TRPM1: variants seen among roughly 807,000 people sequenced by gnomAD.
The protein encoded by TRPM1 is TRPM1-203 APA Isoform, Intron 10.
A neutral mutation model predicts 149.4 loss-of-function variants in TRPM1; 113 were observed. That is an observed-to-expected ratio of 0.76 (90% CI 0.65 to 0.88). The LOEUF (loss-of-function observed/expected upper bound fraction) is 0.88. Ranked by LOEUF, TRPM1 falls within the 40% of genes least tolerant of loss-of-function variation. The probability of loss-of-function intolerance (pLI) is 0.00; values close to 1 mark genes in which losing one functional copy is unlikely to be tolerated. For synonymous variants in TRPM1, 741 were observed against 759.5 expected, an observed-to-expected ratio of 0.98 and a Z score of 0.40; for missense variants, 1,976 against 2,038.7, an observed-to-expected ratio of 0.97 and a Z score of 0.59.
At position 31,002,304 on chromosome 15, in the gene TRPM1, G is replaced by A. The variant is rs763354839; in HGVS notation, c.4396C>T (p.Arg1466Trp). The A allele has an allele frequency of 4.4e-5, 71 of 1,614,024 alleles. 1 individual carries two copies. The highest frequency in any genetic ancestry group is 3.3e-4 in the Middle Eastern group (2 of 6,084). ...ACCCCACCGACCAGCTTTCTTCCCC[G>A]GGAATAGACGAAGCTTCTGGACTTC... ...TMKSRSFVYSRGRKLVGGVNQ... is the reference protein window; with the variant it reads ...TMKSRSFVYSWGRKLVGGVNQ... Residue 1466 changes from arginine to tryptophan, a missense_variant, in exon 28 of 28, where the codon CGG becomes TGG. By Grantham distance (101) the Arg-to-Trp change is moderately radical. Transcript: ENST00000256552.
intron 1 of TRPM1, among the ~76,000 whole-genome samples, chr15:31,144,711 G>GTTTTTT (rs1567078292): frequency 7.0e-6 from 1 of 142,932 alleles, no homozygotes. Flanking sequence ...TTGTTTTTGA[G>GTTTTTT]ATTTTTTTTT....
chr15:31,022,216 T>C (rs867478101), intron 27 of TRPM1, among the ~76,000 whole-genome samples: 2 of 152,192 alleles, frequency 1.3e-5, no homozygotes, highest in African/African-American at 4.8e-5. Context: ...TGCTCCGTAG[T>C]GGATGTGCAG....
At chr15:31,105,460 TGTGTGTGTGTGTGC>T (rs1350622601), upstream of TRPM1, among the ~76,000 whole-genome samples, 64 of 68,454 alleles carry the variant, frequency 9.3e-4, no homozygotes, top group African/African-American at 2.9e-3. Context: ...TGTGTGTGTG[TGTGTGTGTGTGTGC>T]GCGCGCGCGC....
chr15:31,027,742 T>C (rs115768331), intron 25 of TRPM1, among the ~76,000 whole-genome samples: 5,243 of 152,308 alleles, frequency 0.034, 187 homozygotes, highest in African/African-American at 0.087. Context: ...ATTGCATATT[T>C]CTGTGAAGGA....
intron 5 of TRPM1, 97 bp from the exon 6 acceptor site, chr15:31,067,284 C>G: frequency 6.4e-7 from 1 of 1,558,140 alleles, no homozygotes; most frequent in Non-Finnish European, 8.9e-7. Flanking sequence ...CCCTACATTC[C>G]CTACAGATCA....
At chr15:31,119,068 C>T (rs1220499686) in intron 1 of TRPM1, among the ~76,000 whole-genome samples, 2 of 151,900 alleles carry the variant, frequency 1.3e-5, no homozygotes, top group Non-Finnish European at 1.5e-5. Flanking sequence ...GGAGAAAACC[C>T]GTCTCTACTA....
chr15:31,105,136 T>A (rs2035585540), upstream of TRPM1, among the ~76,000 whole-genome samples: 1 of 152,220 alleles, frequency 6.6e-6, no homozygotes, highest in Non-Finnish European at 1.5e-5. Context: ...ACATATTTGA[T>A]GCATTTAAAT....
intron 18 of TRPM1, among the ~76,000 whole-genome samples, chr15:31,039,169 C>T (rs1269648597): frequency 5.9e-5 from 9 of 152,054 alleles, no homozygotes; most frequent in African/African-American, 1.4e-4. Context: ...CCTTCAGAAC[C>T]GTGAAGGCCT....
intron 27 of TRPM1, among the ~76,000 whole-genome samples, chr15:31,016,612 G>C (rs1343955394): frequency 6.6e-6 from 1 of 152,132 alleles, no homozygotes; most frequent in Non-Finnish European, 1.5e-5. Flanking sequence ...TTAACTGGCA[G>C]GCCTAAGAGC....
intron 16 of TRPM1, among the ~76,000 whole-genome samples, chr15:31,045,612 T>C (rs2033740647): frequency 6.6e-6 from 1 of 152,264 alleles, no homozygotes; most frequent in African/African-American, 2.4e-5. Flanking sequence ...TTGATTCTCA[T>C]GGACATGACT....
chr15:31,012,981 T>G (rs1262986704), intron 27 of TRPM1, among the ~76,000 whole-genome samples: 2 of 128,022 alleles, frequency 1.6e-5, no homozygotes, highest in Non-Finnish European at 3.3e-5. Flanking sequence ...TTTTTCTTTT[T>G]TTTTTTCTTT....
intron 1 of TRPM1, among the ~76,000 whole-genome samples, chr15:31,156,930 ATT>A (rs11398253): frequency 2.7e-5 from 4 of 147,524 alleles, no homozygotes; most frequent in African/African-American, 5.0e-5. Context: ...ACTTACATTT[ATT>A]TTTTTTTTTT....
rs199546153 is a variant in TRPM1, at chr15:31,050,542, G to A, written c.1304C>T (p.Thr435Met). The change falls in exon 12 of 28, where the codon ACG becomes ATG. Residue 435 changes from threonine to methionine, a missense_variant. This residue lies in a region of TRPM1 where 1,332 missense variants were observed against 1,347.1 expected (regional missense o/e 0.99). Transcript: ENST00000256552. Reference sequence around the variant, plus strand: ...CATGGGTGGCTTCTTCTCCTTCTCCGTGGCTTTGCTGTCCGTCGGGGGTGC... The same window carrying A: ...CATGGGTGGCTTCTTCTCCTTCTCCATGGCTTTGCTGTCCGTCGGGGGTGC... The part of the protein sequence containing the change: ...SLAPPTDSKA[T>M]EKEKKPPMAT... 2.6e-5 allele frequency: 42 copies of A among 1,613,592 alleles called. No homozygotes were observed. Among genetic ancestry groups the A allele is most frequent in the Admixed American group, 1.2e-4 (7 of 59,962 alleles).
intron 27 of TRPM1, among the ~76,000 whole-genome samples, chr15:31,009,130 T>C (rs1231703370): frequency 1.3e-5 from 2 of 152,164 alleles, no homozygotes; most frequent in African/African-American, 4.8e-5. Flanking sequence ...ATTTTTTTTT[T>C]CACTTTCATT....
intron 21 of TRPM1, among the ~76,000 whole-genome samples, chr15:31,034,186 G>A (rs1285811960): frequency 2.6e-5 from 4 of 152,156 alleles, no homozygotes; most frequent in African/African-American, 9.7e-5. Flanking sequence ...ATATTGGAAA[G>A]GGAAGTATCC....
At chr15:31,062,729 A>C in intron 8 of TRPM1, 27 bp from the exon 9 acceptor site, 5 of 1,612,714 alleles carry the variant, frequency 3.1e-6, no homozygotes, top group Non-Finnish European at 2.5e-6. Context: ...CAAGAGAACA[A>C]AACAAGGCAA....
intron 1 of TRPM1, among the ~76,000 whole-genome samples, chr15:31,121,630 T>C (rs902349773): frequency 3.9e-5 from 6 of 152,170 alleles, no homozygotes; most frequent in African/African-American, 1.4e-4. Flanking sequence ...CAATGAGAAA[T>C]AGGTCGCCTG....
Position 31,153,713 on chromosome 15 carries a change from G to A in TRPM1, c.54+7193C>T, listed in dbSNP as rs75199728. On this transcript the variant is annotated intron_variant, in intron 1 of 26. Transcript: ENST00000542188. ...TATCATCTGGAAGCCTCCCCTCCCCGCCCTTCAAGATTTTCTGCTTTTCCA... is the reference window on the plus strand; with the variant it reads ...TATCATCTGGAAGCCTCCCCTCCCCACCCTTCAAGATTTTCTGCTTTTCCA... Among the ~76,000 whole-genome samples the A allele has an allele frequency of 7.8e-3, 1,184 of 152,104 alleles. 19 individuals are homozygous for A. Among genetic ancestry groups the A allele is most frequent in the African/African-American group, 0.027 (1,138 of 41,468 alleles).
chr15:31,145,432 C>T (rs1437364785), intron 1 of TRPM1, among the ~76,000 whole-genome samples: 2 of 152,212 alleles, frequency 1.3e-5, no homozygotes, highest in Non-Finnish European at 2.9e-5. Flanking sequence ...TCCGTATCTT[C>T]TGTGGGTAAC....
Sources: gnomAD v4.1 joint callset for allele counts (sites outside exome capture counted in the v4.1 genomes callset) on GRCh38, gnomAD v4.1.1 for gene constraint, gnomAD v4.1.1 regional missense constraint, MANE v1.5 for transcripts, NCBI Gene and HGNC (gene_info 2026-07-23, HGNC 2026-07-21) for gene names.